IL4R: variants seen among roughly 807,000 people sequenced by gnomAD.
IL4R encodes the protein interleukin-4 receptor subunit alpha.
IL4R carries 17 observed loss-of-function variants against 41.5 expected under a neutral mutation model. The observed-to-expected ratio is 0.41, with a 90% CI of 0.28 to 0.61. The LOEUF is 0.61. IL4R is among the 20% of genes least tolerant of loss of function. IL4R has a pLI of 0.31. For missense variants in IL4R, 974 were observed against 1,043.1 expected, an observed-to-expected ratio of 0.93 and a Z score of 0.91; for synonymous variants, 402 against 422.9, an observed-to-expected ratio of 0.95 and a Z score of 0.61.
At chr16:27,361,746 A>G (rs1327423601) in intron 10 of IL4R, among the ~76,000 whole-genome samples, 1 of 151,636 alleles carries the variant, frequency 6.6e-6, no homozygotes, top group Non-Finnish European at 1.5e-5. Context: ...CTGGGACTAC[A>G]GTCATACACC....
intron 1 of IL4R, among the ~76,000 whole-genome samples, chr16:27,324,076 C>G (rs2084889453): frequency 2.0e-5 from 3 of 152,312 alleles, no homozygotes; most frequent in Admixed American, 6.5e-5. Context: ...GGCATGGCCT[C>G]TCATGGCTGA....
At chr16:27,336,627 G>A (rs1313803125) in intron 2 of IL4R, among the ~76,000 whole-genome samples, 3 of 147,930 alleles carry the variant, frequency 2.0e-5, no homozygotes, top group East Asian at 4.0e-4. Flanking sequence ...GCAGGGAGTC[G>A]AGGTTGTGCC....
intron 1 of IL4R, among the ~76,000 whole-genome samples, chr16:27,329,781 A>G (rs1322071112): frequency 6.6e-6 from 1 of 152,070 alleles, no homozygotes; most frequent in East Asian, 1.9e-4. Context: ...ATGTAACCTC[A>G]TTAATCTGAT....
chr16:27,320,257 A>C (rs2084776467), intron 1 of IL4R, among the ~76,000 whole-genome samples: 1 of 152,222 alleles, frequency 6.6e-6, no homozygotes, highest in African/African-American at 2.4e-5. Flanking sequence ...TTGCAGGAAA[A>C]TAAGCTCAGG....
rs528668498 is a variant in IL4R at position 27,314,200 on chromosome 16, C to T, written c.-152+180C>T. On this transcript the variant is annotated intron_variant, in intron 1 of 10. Transcript: ENST00000395762. The stretch of plus-strand genomic sequence containing the variant: ...GAGCAGCGCCCGGTTCCGTCCTTGC[C>T]GCCGAACGGCAGCGGAGGCGCGAGG... The T allele has an allele frequency of 5.2e-4, 413 of 798,168 alleles. 3 individuals carry two copies. The African/African-American group carries it at 7.3e-3, about 14-fold the overall frequency. 49.4% of individuals were successfully genotyped at this position (798,168 alleles called of 1,614,324 possible).
chr16:27,342,171 A>G lies in IL4R; in HGVS notation c.121A>G (p.Ile41Val). ...CACCTGCGTCTCCGACTACATGAGC[A>G]TCTCTACTTGCGAGTGGAAGATGAA... ...EPTCVSDYMS[I>V]STCEWKMNGP... Residue 41 changes from isoleucine to valine, a missense_variant, in exon 4 of 11, where the codon ATC becomes GTC. Transcript: ENST00000395762. The G allele has an allele frequency of 1.2e-6, 2 of 1,614,256 alleles. No homozygotes were observed. Among genetic ancestry groups the G allele is most frequent in the East Asian group, 2.2e-5 (1 of 44,890 alleles).
chr16:27,340,071 A>G lies in IL4R; in HGVS notation c.-18-115A>G, dbSNP rs1332727300. The G allele has an allele frequency of 1.0e-5, 7 of 692,648 alleles. No homozygotes were observed. The South Asian group carries it at 1.1e-4, about 10-fold the overall frequency. 42.9% of individuals were successfully genotyped at this position (692,648 alleles called of 1,614,324 possible). A position where few individuals can be genotyped will look rare whatever the true frequency, so the allele number is the denominator to read the frequency against. ...GACTCTGTCTCGGAAAAACAAACAA[A>G]CAAGCAAACAAACAAACAAATAAAT... On this transcript the variant is annotated intron_variant, in intron 2 of 10. Transcript: ENST00000395762.
chr16:27,334,467 G>A (rs1596790706), intron 2 of IL4R: 1 of 152,106 alleles, frequency 6.6e-6, no homozygotes, highest in Admixed American at 6.6e-5. Context: ...CAATCCTGAC[G>A]CCATGCTGGG....
chr16:27,328,060 A>G (rs1272556794), intron 1 of IL4R, among the ~76,000 whole-genome samples: 2 of 151,688 alleles, frequency 1.3e-5, no homozygotes, highest in Non-Finnish European at 2.9e-5. Flanking sequence ...AAATACAAAA[A>G]TTAGCCAGGT....
intron 2 of IL4R, among the ~76,000 whole-genome samples, chr16:27,331,792 C>T (rs1042490561): frequency 4.6e-5 from 7 of 151,844 alleles, no homozygotes; most frequent in Non-Finnish European, 8.8e-5. Flanking sequence ...TATTATTATC[C>T]AATAATAGTA....
At position 27,327,318 on chromosome 16, in the gene IL4R, C is replaced by T. The variant is rs903084565; in HGVS notation, c.-151-2748C>T. Among the ~76,000 whole-genome samples the T allele has an allele frequency of 2.6e-5, 4 of 152,142 alleles. No individual in the cohort carries two copies. In the South Asian group the frequency reaches 8.3e-4, roughly 31 times the overall value. On this transcript the variant is annotated intron_variant, in intron 1 of 10. Coordinates refer to ENST00000395762, the MANE Select transcript of IL4R (RefSeq NM_000418.4). Reference sequence around the variant, plus strand: ...TGCGCCCCCAGTCCTCCGCCCCCTGCCCCCCTGCCACCCGCTGTGGGTTCG... The same window carrying T: ...TGCGCCCCCAGTCCTCCGCCCCCTGTCCCCCTGCCACCCGCTGTGGGTTCG...
At chr16:27,359,835 A>G in intron 9 of IL4R, 1 of 456,732 alleles carries the variant, frequency 2.2e-6, no homozygotes, top group South Asian at 1.5e-5. Flanking sequence ...CTGTGTAACA[A>G]ACGACCCCGA....
intron 6 of IL4R, among the ~76,000 whole-genome samples, chr16:27,350,096 T>C (rs2085808697): frequency 6.6e-6 from 1 of 152,188 alleles, no homozygotes; most frequent in Non-Finnish European, 1.5e-5. Flanking sequence ...AAGCCTGTGC[T>C]CTTTTTCCTC....
At chr16:27,355,483 T>G (rs1308082858) in intron 7 of IL4R, 1 of 346,032 alleles carries the variant, frequency 2.9e-6, no homozygotes, top group Non-Finnish European at 5.6e-6. Context: ...ATAAGGGACT[T>G]GTCCTGTGTC....
intron 1 of IL4R, among the ~76,000 whole-genome samples, chr16:27,326,702 A>G (rs2084963487): frequency 1.3e-5 from 2 of 152,256 alleles, no homozygotes; most frequent in South Asian, 4.1e-4. Flanking sequence ...TACTTGAGCA[A>G]GTGGGTGAGG....
Position 27,345,902 on chromosome 16 carries a change from A to G in IL4R, c.362-565A>G, listed in dbSNP as rs1456986658. Among the ~76,000 whole-genome samples the G allele has an allele frequency of 6.6e-6, 1 of 152,156 alleles. No individual in the cohort carries two copies. Among genetic ancestry groups the G allele is most frequent in the African/African-American group, 2.4e-5 (1 of 41,424 alleles). On this transcript the variant is annotated intron_variant, in intron 5 of 10. Transcript: ENST00000395762. The surrounding 1 kb of genome is among the most constrained non-coding windows in gnomAD (Gnocchi z 4.5). ...TAGGAGAATGGCTTGAACCCAGGAG[A>G]AGGAGGTTGCAGTGAGCTTAGATCA...
intron 6 of IL4R, among the ~76,000 whole-genome samples, chr16:27,348,659 T>C (rs925968624): frequency 1.3e-5 from 2 of 152,200 alleles, no homozygotes; most frequent in African/African-American, 4.8e-5. Context: ...TGCTGCTCAG[T>C]GGCCTGGCTT....
chr16:27,347,967 A>G (rs1051368846), intron 6 of IL4R, among the ~76,000 whole-genome samples: 2 of 152,106 alleles, frequency 1.3e-5, no homozygotes, highest in Admixed American at 6.5e-5. Context: ...AGAGATCCCC[A>G]TCTGCCCGCT....
chr16:27,361,077 C>T, intron 10 of IL4R: 1 of 1,363,676 alleles, frequency 7.3e-7, no homozygotes, highest in Non-Finnish European at 9.5e-7. Context: ...AGCAGCCGTG[C>T]CTGTTGTTAA....
Sources: gnomAD v4.1 joint callset for allele counts (sites outside exome capture counted in the v4.1 genomes callset) on GRCh38, gnomAD v4.1.1 for gene constraint, Gnocchi (gnomAD v3.1) non-coding constraint, MANE v1.5 for transcripts, NCBI Gene and HGNC (gene_info 2026-07-23, HGNC 2026-07-21) for gene names.